Variants in MEGF6 observed in about 807,000 individuals in gnomAD.
MEGF6 encodes multiple epidermal growth factor-like domains protein 6.
MEGF6 carries 184 observed loss-of-function variants against 207.1 expected under a neutral mutation model. The ratio of observed to expected loss-of-function variants is 0.89; its 90% CI spans 0.79 to 1.00. The LOEUF is 1.00. Among genes scored for constraint, MEGF6 ranks in the 50% least tolerant of loss-of-function variants. The probability of loss-of-function intolerance (pLI) is 0.00; values close to 1 mark genes in which losing one functional copy is unlikely to be tolerated. For missense variants in MEGF6, 2,282 were observed against 2,202.9 expected (o/e 1.04, Z -0.72); for synonymous variants, 1,038 against 910.0 (o/e 1.14, Z -2.53).
chr1:3,500,451 G>C (rs573200235), intron 21 of MEGF6, among the ~76,000 whole-genome samples, 182 bp downstream of exon 21: 1 of 152,274 alleles, frequency 6.6e-6, no homozygotes, highest in East Asian at 1.9e-4. Context: ...GCCGCAGTGC[G>C]CATGTGCGTG....
At chr1:3,497,180 C>T in intron 27 of MEGF6, 53 bp downstream of exon 27, 8 of 1,538,036 alleles carry the variant, frequency 5.2e-6, no homozygotes, top group Non-Finnish European at 7.0e-6. Context: ...GGCAGCCTCT[C>T]TGGATTCCCC....
chr1:3,541,268 G>A (rs1402892246), intron 4 of MEGF6, among the ~76,000 whole-genome samples: 2 of 152,204 alleles, frequency 1.3e-5, no homozygotes, highest in African/African-American at 4.8e-5. Context: ...TGGAGTGTGG[G>A]TCGCACAGGG....
Position 3,611,331 on chromosome 1 carries a change from C to A in MEGF6, c.-63G>T. 7.2e-7 allele frequency: 1 copy of A among 1,387,676 alleles called. No homozygotes were observed. Among genetic ancestry groups the A allele is most frequent in the East Asian group, 2.9e-5 (1 of 34,156 alleles). 86.0% of individuals were successfully genotyped at this position (1,387,676 alleles called of 1,614,324 possible). On this transcript the variant is annotated 5_prime_UTR_variant, in exon 1 of 37. The change creates a new upstream start codon in the 5' untranslated region. Transcript: ENST00000356575. The stretch of plus-strand genomic sequence containing the variant: ...GGCGGCCCCGGCGGCTCCCCGGAGC[C>A]TCCGCCTCCACGTGCGCCATAGGAC...
rs530673618 is a variant in MEGF6 at position 3,508,417 on chromosome 1, G to A, written c.1660+141C>T. ...TGTTTATCAAAGGAATTAACAAATG[G>A]ATGAATGAATGGCTCTGCACAGAGC... On this transcript the variant is annotated intron_variant, in intron 13 of 36. Transcript: ENST00000356575. 9.9e-6 allele frequency: 9 copies of A among 906,586 alleles called. No homozygotes were observed. In the African/African-American group the frequency reaches 1.3e-4, roughly 14 times the overall value. 56.2% of individuals were successfully genotyped at this position (906,586 alleles called of 1,614,324 possible).
chr1:3,618,857 C>A, the MEGF6 span, among the ~76,000 whole-genome samples: 1 of 152,208 alleles, frequency 6.6e-6, no homozygotes, highest in Non-Finnish European at 1.5e-5. This position sits in a 1 kb window ranked among gnomAD's most constrained non-coding sequence, Gnocchi z 4.7. Flanking sequence ...AAGCCCAGGA[C>A]CCTGCCTGAG....
chr1:3,524,671 G>A (rs1368686995), intron 4 of MEGF6, among the ~76,000 whole-genome samples: 1 of 152,236 alleles, frequency 6.6e-6, no homozygotes, highest in South Asian at 2.1e-4. Flanking sequence ...TGCCCAGGCT[G>A]TGGGGGGAAG....
chr1:3,543,499 G>A (rs1383165950), intron 4 of MEGF6, among the ~76,000 whole-genome samples: 1 of 152,232 alleles, frequency 6.6e-6, no homozygotes, highest in Non-Finnish European at 1.5e-5. Context: ...CTTTGGCAGG[G>A]CCCCCTCGGC....
intron 3 of MEGF6, among the ~76,000 whole-genome samples, chr1:3,581,548 T>A (rs749631365): frequency 1.3e-5 from 2 of 152,134 alleles, no homozygotes; most frequent in Non-Finnish European, 2.9e-5. Flanking sequence ...GTGTCCCAAG[T>A]GTTGAGGCCT....
At chr1:3,515,556 G>A (rs1184100033) in intron 5 of MEGF6, 29 bp from the exon 6 acceptor site, 2 of 1,601,056 alleles carry the variant, frequency 1.2e-6, no homozygotes, top group Admixed American at 3.3e-5. Context: ...CCCCAAGTCA[G>A]CCCAAGAGGA....
At chr1:3,552,051 C>G (rs1642905791) in intron 4 of MEGF6, among the ~76,000 whole-genome samples, 1 of 152,206 alleles carries the variant, frequency 6.6e-6, no homozygotes, top group South Asian at 2.1e-4. Context: ...GAGGGGACCC[C>G]TGCTCTGGAC....
Position 3,508,597 on chromosome 1 carries a change from C to A in MEGF6, c.1621G>T (p.Asp541Tyr). ...GTCLLGLDGC[D>Y]CPEGWTGLIC... Reference sequence around the variant, plus strand: ...AGCCCAGTCCAGCCCTCGGGGCAATCACAGCCATCCAGGCCCAGGAGGCAG... The same window carrying A: ...AGCCCAGTCCAGCCCTCGGGGCAATAACAGCCATCCAGGCCCAGGAGGCAG... The change falls in exon 13 of 37, where the codon GAT (aspartate) becomes TAT (tyrosine). Residue 541 changes from aspartate (D) to tyrosine (Y), a missense_variant. Physicochemically the swap from Asp to Tyr is radical, Grantham distance 160 (BLOSUM62 -3). Coordinates refer to ENST00000356575, the MANE Select transcript of MEGF6 (RefSeq NM_001409.4). 2 of 1,613,494 alleles carry A rather than the reference C, an allele frequency of 1.2e-6. No homozygotes were observed. Among genetic ancestry groups the A allele is most frequent in the South Asian group, 2.2e-5 (2 of 91,052 alleles).
Position 3,488,809 on chromosome 1 carries a change from T to A in MEGF6, c.*1719A>T, listed in dbSNP as rs1409831499. 6.6e-6 allele frequency among the ~76,000 whole-genome samples: 1 copy of A among 152,236 alleles called. No homozygotes were observed. The highest frequency in any genetic ancestry group is 2.4e-5 in the African/African-American group (1 of 41,460). ...GTTCTTCAAGGTCTTATGGCTTTTT[T>A]ATGTTATTTTTCCACCTTGTGCATT... On this transcript the variant is annotated 3_prime_UTR_variant, in exon 37 of 37. Transcript: ENST00000356575.
intron 11 of MEGF6, among the ~76,000 whole-genome samples, chr1:3,509,551 C>A (rs1641253842): frequency 6.6e-6 from 1 of 152,204 alleles, no homozygotes; most frequent in Non-Finnish European, 1.5e-5. Flanking sequence ...TGCCATCAGT[C>A]CCAGGGACAA....
chr1:3,510,886 T>G lies in MEGF6; in HGVS notation c.1131A>C (p.Ala377=), dbSNP rs1641320372. ...QRTCIDVDDC[A]DSPCCQQVCT... ...ACACCTGCTGGCAGCACGGGCTGTC[T>G]GCACAGTCGTCGACATCTGTGGAGC... Residue 377 remains alanine, a synonymous_variant, in exon 10 of 37, where the codon GCA becomes GCC. Transcript: ENST00000356575. 7.5e-6 allele frequency: 12 copies of G among 1,607,880 alleles called. No homozygotes were observed. The highest frequency in any genetic ancestry group is 1.3e-5 in the African/African-American group (1 of 74,854).
At chr1:3,532,670 G>A (rs1199483876) in intron 4 of MEGF6, among the ~76,000 whole-genome samples, 2 of 152,228 alleles carry the variant, frequency 1.3e-5, no homozygotes, top group Non-Finnish European at 2.9e-5. Context: ...ACATGACTGG[G>A]GCCACTGCAG....
Position 3,499,139 on chromosome 1 carries a change from C to T in MEGF6, c.3093G>A (p.Gln1031=). The T allele has an allele frequency of 6.2e-7, 1 of 1,604,388 alleles. No individual in the cohort carries two copies. The highest frequency in any genetic ancestry group is 8.5e-7 in the Non-Finnish European group (1 of 1,176,930). The part of the protein sequence containing the change: ...APGWMGPSCL[Q]ACPAGLYGDN... The stretch of plus-strand genomic sequence containing the variant: ...CCTGGACTCCTAGATGTGGCTTACC[C>T]TGCAGGCAGGAGGGCCCCATCCAGC... The change falls in exon 24 of 37, where the codon CAG becomes CAA. Residue 1031 remains glutamine, a splice_region_variant and synonymous_variant. Coordinates refer to ENST00000356575, the MANE Select transcript of MEGF6 (RefSeq NM_001409.4).
At position 3,488,779 on chromosome 1, in the gene MEGF6, T is replaced by C. The variant is rs1308517028; in HGVS notation, c.*1749A>G. On this transcript the variant is annotated 3_prime_UTR_variant, in exon 37 of 37. Coordinates refer to ENST00000356575, the MANE Select transcript of MEGF6 (RefSeq NM_001409.4). Reference sequence around the variant, plus strand: ...GGGACTTTAGAATTTATCTTTGACATTGATGTTCTTCAAGGTCTTATGGCT... The same window carrying C: ...GGGACTTTAGAATTTATCTTTGACACTGATGTTCTTCAAGGTCTTATGGCT... 6.6e-6 allele frequency among the ~76,000 whole-genome samples: 1 copy of C among 152,248 alleles called. No homozygotes were observed. The highest frequency in any genetic ancestry group is 1.5e-5 in the Non-Finnish European group (1 of 68,052).
chr1:3,519,541 G>A (rs1242486362), intron 5 of MEGF6, among the ~76,000 whole-genome samples: 2 of 152,260 alleles, frequency 1.3e-5, no homozygotes, highest in African/African-American at 2.4e-5. Flanking sequence ...AGGGCTGCGT[G>A]AGCATCACAC....
chr1:3,518,962 G>A (rs1641641992), intron 5 of MEGF6, among the ~76,000 whole-genome samples: 2 of 152,210 alleles, frequency 1.3e-5, no homozygotes, highest in South Asian at 4.1e-4. Context: ...CTCACAGCCT[G>A]TGAGAGCAGC....
Sources: gnomAD v4.1 joint callset for allele counts (sites outside exome capture counted in the v4.1 genomes callset) on GRCh38, gnomAD v4.1.1 for gene constraint, Gnocchi (gnomAD v3.1) non-coding constraint, MANE v1.5 for transcripts, NCBI Gene and HGNC (gene_info 2026-07-23, HGNC 2026-07-21) for gene names.